PCSK6: variants seen among roughly 807,000 people sequenced by gnomAD.
PCSK6 encodes proprotein convertase subtilisin/kexin type 6.
In PCSK6, 85 loss-of-function variants were observed where a neutral mutation model predicts 123.3. The observed-to-expected ratio is 0.69, with a 90% CI of 0.58 to 0.83. The LOEUF (loss-of-function observed/expected upper bound fraction) is 0.83. Ranked by LOEUF, PCSK6 falls within the 40% of genes least tolerant of loss-of-function variation. The pLI, the probability that PCSK6 is intolerant of heterozygous loss-of-function variation, is 0.00. For synonymous variants in PCSK6, 508 were observed against 516.0 expected (o/e 0.98, Z 0.21); for missense variants, 1,191 against 1,282.3 (o/e 0.93, Z 1.09).
chr15:101,435,387 C>T lies in PCSK6; in HGVS notation c.403-3287G>A, dbSNP rs931144545. On this transcript the variant is annotated intron_variant, in intron 2 of 21. Transcript: ENST00000611716. ...ATGACTGCTAGATGACATCTGTTGA[C>T]TTTTCTTGTGGAAAATCAACTATAA... Among the ~76,000 whole-genome samples the T allele has an allele frequency of 5.3e-5, 8 of 152,136 alleles. No individual in the cohort carries two copies. In the East Asian group the frequency reaches 1.3e-3, roughly 26 times the overall value.
intron 18 of PCSK6, among the ~76,000 whole-genome samples, chr15:101,319,030 G>C (rs2040056652): frequency 6.6e-6 from 1 of 152,180 alleles, no homozygotes; most frequent in Non-Finnish European, 1.5e-5. Flanking sequence ...GCTGGACAGA[G>C]ACACAGATGC....
chr15:101,459,033 T>C (rs115905356), intron 1 of PCSK6, among the ~76,000 whole-genome samples: 114 of 152,262 alleles, frequency 7.5e-4, no homozygotes, highest in African/African-American at 2.6e-3. Context: ...GTGTAGCTTC[T>C]CTCAGCCAAG....
intron 13 of PCSK6, among the ~76,000 whole-genome samples, chr15:101,348,993 G>T (rs1029595265): frequency 7.2e-5 from 11 of 152,198 alleles, no homozygotes; most frequent in African/African-American, 2.7e-4. Context: ...AGCTTATTCT[G>T]CAAGTTTTGG....
chr15:101,405,236 T>C (rs902102584), intron 6 of PCSK6, among the ~76,000 whole-genome samples: 2 of 152,250 alleles, frequency 1.3e-5, no homozygotes, highest in African/African-American at 4.8e-5. Context: ...CCATTTACTA[T>C]AAAATGTCAG....
intron 11 of PCSK6, among the ~76,000 whole-genome samples, chr15:101,381,435 G>A (rs200502619): frequency 4.6e-5 from 7 of 152,270 alleles, no homozygotes; most frequent in East Asian, 1.9e-4. Context: ...GAGCAGTTCC[G>A]GGTGTGCCCT....
At chr15:101,445,574 A>T (rs1265234624) in intron 1 of PCSK6, among the ~76,000 whole-genome samples, 1 of 152,172 alleles carries the variant, frequency 6.6e-6, no homozygotes, top group Non-Finnish European at 1.5e-5. Flanking sequence ...CAACAAAGTT[A>T]ACTGCCACAC....
intron 13 of PCSK6, among the ~76,000 whole-genome samples, chr15:101,360,903 T>C (rs1440172219): frequency 6.6e-6 from 1 of 152,224 alleles, no homozygotes; most frequent in African/African-American, 2.4e-5. Context: ...CTTCTCATCA[T>C]CTAATGGACA....
chr15:101,484,949 C>G (rs4965884), intron 1 of PCSK6, among the ~76,000 whole-genome samples: 1 of 152,120 alleles, frequency 6.6e-6, no homozygotes, highest in African/African-American at 2.4e-5. Context: ...TTTGTGCACA[C>G]GTGGGAGAGT....
chr15:101,425,450 C>T (rs2056224105), intron 6 of PCSK6, among the ~76,000 whole-genome samples: 1 of 152,190 alleles, frequency 6.6e-6, no homozygotes. Context: ...CTGGAGCTGA[C>T]CATAGAGCTC....
At chr15:101,351,908 T>C (rs1041865590) in intron 13 of PCSK6, among the ~76,000 whole-genome samples, 11 of 152,162 alleles carry the variant, frequency 7.2e-5, no homozygotes, top group Admixed American at 7.2e-4. Context: ...CCGCCTATTT[T>C]ATAAAGTGAG....
chr15:101,429,998 G>A lies in PCSK6; in HGVS notation c.723C>T (p.Ser241=). The change falls in exon 5 of 22, where the codon AGC becomes AGT. Residue 241 remains serine, a synonymous_variant. Transcript: ENST00000611716. ...DYDPSPRYDA[S]NENKHGTRCA... ...GCGAGGTGACGTACTTATTTTCATT[G>A]CTGGCATCATATCGTGGAGATGGGT... 6.2e-7 allele frequency: 1 copy of A among 1,613,282 alleles called. No homozygotes were observed. The highest frequency in any genetic ancestry group is 8.5e-7 in the Non-Finnish European group (1 of 1,179,260).
In PCSK6 at chr15:101,370,414, T is replaced by C. The variant is rs769776894; in HGVS notation, c.1642A>G (p.Ile548Val). Residue 548 changes from isoleucine to valine, a missense_variant, in exon 12 of 22, where the codon ATC becomes GTC. Coordinates refer to ENST00000611716, the MANE Select transcript of PCSK6 (RefSeq NM_002570.5). ...YLEHVVVRTS[I>V]SHPRRGDLQI... ...AGGTCTCCTCGGCGTGGGTGTGAGATGGAGGTGCGAACCACCACGTGCTCC... is the reference window on the plus strand; with the variant it reads ...AGGTCTCCTCGGCGTGGGTGTGAGACGGAGGTGCGAACCACCACGTGCTCC... The C allele has an allele frequency of 3.9e-6, 6 of 1,552,544 alleles. No individual in the cohort carries two copies. Among genetic ancestry groups the C allele is most frequent in the East Asian group, 4.9e-5 (2 of 40,958 alleles).
chr15:101,314,416 G>A (rs1437677029), intron 19 of PCSK6, among the ~76,000 whole-genome samples: 1 of 152,224 alleles, frequency 6.6e-6, no homozygotes, highest in Non-Finnish European at 1.5e-5. Flanking sequence ...CAGGCAGGGA[G>A]GAGATTATCT....
rs1009678608 is a variant in PCSK6 at position 101,424,406 on chromosome 15, C to T, written c.823+3486G>A. On this transcript the variant is annotated intron_variant, in intron 6 of 21. Coordinates refer to ENST00000611716, the MANE Select transcript of PCSK6 (RefSeq NM_002570.5). ...AAAAAAAAAGTTAGAAGGTCGTGTT[C>T]AGCATAATTTCTTTTAAGAAAAATG... Among the ~76,000 whole-genome samples, 15 of 152,072 alleles carry T rather than the reference C, an allele frequency of 9.9e-5. 1 individual carries two copies. Among genetic ancestry groups the T allele is most frequent in the African/African-American group, 3.6e-4 (15 of 41,392 alleles).
chr15:101,443,256 T>C (rs1046674557), intron 2 of PCSK6, among the ~76,000 whole-genome samples: 29 of 152,256 alleles, frequency 1.9e-4, no homozygotes, highest in Non-Finnish European at 4.1e-4. Context: ...CTGCCTGATC[T>C]CTAATTTCAT....
chr15:101,409,039 G>A (rs1567199662), intron 6 of PCSK6, among the ~76,000 whole-genome samples: 1 of 152,226 alleles, frequency 6.6e-6, no homozygotes, highest in Non-Finnish European at 1.5e-5. Flanking sequence ...CGGAGCAGGG[G>A]AGCTTTTCTG....
intron 13 of PCSK6, among the ~76,000 whole-genome samples, chr15:101,335,465 A>C (rs2040458118): frequency 6.6e-6 from 1 of 152,250 alleles, no homozygotes; most frequent in South Asian, 2.1e-4. Flanking sequence ...AAAGTATAAA[A>C]GTGCATATGA....
intron 13 of PCSK6, among the ~76,000 whole-genome samples, chr15:101,354,481 C>T (rs143541372): frequency 2.0e-5 from 3 of 152,370 alleles, no homozygotes; most frequent in Admixed American, 1.3e-4. Context: ...CCTGTCTCTA[C>T]GTGTCCCACG....
intron 20 of PCSK6, 141 bp downstream of exon 20, chr15:101,313,235 T>A: frequency 6.4e-7 from 1 of 1,555,086 alleles, no homozygotes; most frequent in Non-Finnish European, 8.7e-7. Flanking sequence ...CCTCAGCAGC[T>A]CTGTAAATGG....
Sources: gnomAD v4.1 joint callset for allele counts (sites outside exome capture counted in the v4.1 genomes callset) on GRCh38, gnomAD v4.1.1 for gene constraint, MANE v1.5 for transcripts, NCBI Gene and HGNC (gene_info 2026-07-23, HGNC 2026-07-21) for gene names.